The following NRG1 variants were observed in gnomAD, a reference collection of about 807,000 sequenced individuals.
NRG1 encodes the protein pro-neuregulin-1, membrane-bound isoform.
A neutral mutation model predicts 63.8 loss-of-function variants in NRG1; 18 were observed. That is an observed-to-expected ratio of 0.28 (90% CI 0.19 to 0.42). The LOEUF (loss-of-function observed/expected upper bound fraction) is 0.42, where lower values mean the gene tolerates loss of function less well. NRG1 is among the 10% of genes least tolerant of loss of function. The probability of loss-of-function intolerance (pLI) is 1.00; values close to 1 mark genes in which losing one functional copy is unlikely to be tolerated. For synonymous variants in NRG1, 302 were observed against 301.3 expected, an observed-to-expected ratio of 1.00 and a Z score of -0.02; for missense variants, 762 against 814.7, an observed-to-expected ratio of 0.94 and a Z score of 0.79.
chr8:32,420,087 C>T (rs1018749711), intron 1 of NRG1, among the ~76,000 whole-genome samples: 3 of 152,114 alleles, frequency 2.0e-5, no homozygotes, highest in South Asian at 2.1e-4. Context: ...AGAGAGTCCA[C>T]GTTGCTGCTC....
chr8:31,972,213 G>C (rs1807407891), intron 1 of NRG1, among the ~76,000 whole-genome samples: 1 of 152,010 alleles, frequency 6.6e-6, no homozygotes, highest in African/African-American at 2.4e-5. Flanking sequence ...TAACTCACAA[G>C]GAGTTACAAG....
chr8:31,934,347 ATG>A (rs765665545), intron 1 of NRG1, among the ~76,000 whole-genome samples: 43 of 147,220 alleles, frequency 2.9e-4, no homozygotes, highest in African/African-American at 1.1e-3. Flanking sequence ...ATACATATAT[ATG>A]TGTGTGTATA....
chr8:32,686,591 G>A (rs150752379), intron 5 of NRG1, among the ~76,000 whole-genome samples: 173 of 152,254 alleles, frequency 1.1e-3, no homozygotes, highest in Middle Eastern at 0.01. Flanking sequence ...ATTATTTGTG[G>A]GACACCTGAT....
chr8:31,764,480 T>C (rs925209403), intron 1 of NRG1, among the ~76,000 whole-genome samples: 1 of 152,202 alleles, frequency 6.6e-6, no homozygotes, highest in African/African-American at 2.4e-5. Context: ...AATGAAATGA[T>C]GTAGTATAAT....
chr8:31,913,996 T>A (rs1427736226), intron 1 of NRG1, among the ~76,000 whole-genome samples: 1 of 152,160 alleles, frequency 6.6e-6, no homozygotes, highest in Non-Finnish European at 1.5e-5. Context: ...CAGTACATCA[T>A]AGCAACCCAC....
chr8:32,427,392 T>A (rs1490784626), intron 1 of NRG1, among the ~76,000 whole-genome samples: 1 of 152,174 alleles, frequency 6.6e-6, no homozygotes, highest in African/African-American at 2.4e-5. Context: ...CTTCCTGCGA[T>A]CACAGCTGCT....
In NRG1 at chr8:32,028,194, C is replaced by T. The variant is rs191813627; in HGVS notation, c.37+388763C>T. On this transcript the variant is annotated intron_variant, in intron 1 of 10. Transcript: ENST00000519301. The stretch of plus-strand genomic sequence containing the variant: ...TCTCATGGTTAGGGAAAGAAAATTG[C>T]GCAAAGGACTTGTGTCCATACCGTT... 4.6e-5 allele frequency among the ~76,000 whole-genome samples: 7 copies of T among 152,158 alleles called. No homozygotes were observed. The East Asian group carries it at 7.7e-4, about 17-fold the overall frequency.
chr8:32,614,479 A>G (rs763740705), intron 3 of NRG1, 35 bp from the exon 4 acceptor site: 2 of 1,607,410 alleles, frequency 1.2e-6, no homozygotes, highest in Non-Finnish European at 1.7e-6. Flanking sequence ...CCTCCTGTTT[A>G]TATATCATAA....
At chr8:32,587,907 GT>G (rs771016204) in intron 1 of NRG1, among the ~76,000 whole-genome samples, 3 of 129,250 alleles carry the variant, frequency 2.3e-5, no homozygotes, top group Admixed American at 8.4e-5. Flanking sequence ...GTACATGTGG[GT>G]TTTTTTGTTT....
At chr8:32,460,503 T>A (rs189522033) in intron 1 of NRG1, among the ~76,000 whole-genome samples, 1 of 152,322 alleles carries the variant, frequency 6.6e-6, no homozygotes, top group African/African-American at 2.4e-5. Context: ...CTTTGAACAT[T>A]TGATGCTTGA....
chr8:32,637,359 A>G (rs1851530218), intron 5 of NRG1, among the ~76,000 whole-genome samples: 2 of 152,120 alleles, frequency 1.3e-5, no homozygotes, highest in Admixed American at 1.3e-4. Flanking sequence ...TTATGCTATC[A>G]AATAGAATAT....
intron 5 of NRG1, among the ~76,000 whole-genome samples, chr8:32,723,086 G>A (rs1444589351): frequency 6.6e-6 from 1 of 152,166 alleles, no homozygotes; most frequent in Non-Finnish European, 1.5e-5. Context: ...AATAGTAACA[G>A]TATCATATAT....
intron 1 of NRG1, among the ~76,000 whole-genome samples, chr8:32,429,921 T>C (rs1324396286): frequency 1.3e-5 from 2 of 152,210 alleles, no homozygotes; most frequent in African/African-American, 4.8e-5. Context: ...CATATGGTGT[T>C]TGTGCATATA....
intron 5 of NRG1, among the ~76,000 whole-genome samples, chr8:32,641,875 T>G (rs939207310): frequency 1.3e-5 from 2 of 152,170 alleles, no homozygotes; most frequent in African/African-American, 4.8e-5. Context: ...TCTCACCTAT[T>G]TTGCATCATA....
chr8:31,804,808 T>C (rs963611785), intron 1 of NRG1, among the ~76,000 whole-genome samples: 8 of 152,180 alleles, frequency 5.3e-5, no homozygotes, highest in African/African-American at 1.9e-4. Flanking sequence ...GCTAACCACA[T>C]CTAAAAAATG....
intron 1 of NRG1, among the ~76,000 whole-genome samples, chr8:32,168,064 G>A (rs1342076260): frequency 6.6e-6 from 1 of 151,996 alleles, no homozygotes; most frequent in East Asian, 1.9e-4. Context: ...ATCCCACATT[G>A]TTACATCACT....
At chr8:32,318,393 A>G (rs1433552329) in intron 1 of NRG1, among the ~76,000 whole-genome samples, 2 of 152,276 alleles carry the variant, frequency 1.3e-5, no homozygotes, top group East Asian at 1.9e-4. Context: ...TGCTTTTTGT[A>G]GAATCAAACA....
At chr8:32,116,099 C>T (rs1184171207) in intron 1 of NRG1, among the ~76,000 whole-genome samples, 1 of 152,102 alleles carries the variant, frequency 6.6e-6, no homozygotes, top group South Asian at 2.1e-4. Flanking sequence ...ATTTCAAACA[C>T]GTCAGTTTCT....
At chr8:31,867,492 T>C (rs1829067396) in intron 1 of NRG1, among the ~76,000 whole-genome samples, 1 of 152,188 alleles carries the variant, frequency 6.6e-6, no homozygotes, top group African/African-American at 2.4e-5. Context: ...GATTCTTCTA[T>C]CTGTCATGAG....
Sources: gnomAD v4.1 joint callset for allele counts (sites outside exome capture counted in the v4.1 genomes callset) on GRCh38, gnomAD v4.1.1 for gene constraint, MANE v1.5 for transcripts, NCBI Gene and HGNC (gene_info 2026-07-23, HGNC 2026-07-21) for gene names.